MSRA: variants seen among roughly 807,000 people sequenced by gnomAD.
MSRA encodes the protein methionine sulfoxide reductase A.
MSRA carries 54 observed loss-of-function variants against 31.3 expected under a neutral mutation model. The observed-to-expected ratio is 1.73, with a 90% CI of 1.39 to 2.17. The LOEUF (loss-of-function observed/expected upper bound fraction) is 2.17, where lower values mean the gene tolerates loss of function less well. MSRA is among the 30% of genes most tolerant of loss of function. The pLI is 0.00. For synonymous variants in MSRA, 169 were observed against 116.5 expected (o/e 1.45, Z -2.90); for missense variants, 507 against 300.9 (o/e 1.69, Z -5.07).
At chr8:10,398,475 G>A (rs552079244) in intron 5 of MSRA, among the ~76,000 whole-genome samples, 35 of 152,216 alleles carry the variant, frequency 2.3e-4, no homozygotes, top group South Asian at 1.7e-3. Flanking sequence ...TCCTGCAGGG[G>A]TCCCTCAGAG....
At chr8:10,293,272 G>A (rs1403259091) in intron 3 of MSRA, among the ~76,000 whole-genome samples, 1 of 152,128 alleles carries the variant, frequency 6.6e-6, no homozygotes. Flanking sequence ...TCCCATGGTG[G>A]CCAGGTGCGT....
chr8:10,310,997 G>A (rs1467280207), intron 4 of MSRA, among the ~76,000 whole-genome samples: 6 of 152,200 alleles, frequency 3.9e-5, no homozygotes, highest in Non-Finnish European at 8.8e-5. Flanking sequence ...GATAGTAATG[G>A]TTAGGTCATT....
At chr8:10,276,719 T>A (rs1442690988) in intron 3 of MSRA, among the ~76,000 whole-genome samples, 4 of 152,220 alleles carry the variant, frequency 2.6e-5, no homozygotes, top group Admixed American at 2.0e-4. Flanking sequence ...CAGGAGCAAC[T>A]GATATGCAGC....
chr8:10,335,250 G>GTTTTTTTTTT (rs1170264568), intron 5 of MSRA, among the ~76,000 whole-genome samples: 94 of 79,848 alleles, frequency 1.2e-3, no homozygotes, highest in African/African-American at 1.9e-3. Flanking sequence ...TCCCAGCTCT[G>GTTTTTTTTTT]TTTTTTTTTT....
At chr8:10,199,131 T>A (rs1435376680) in intron 1 of MSRA, among the ~76,000 whole-genome samples, 1 of 152,200 alleles carries the variant, frequency 6.6e-6, no homozygotes, top group Non-Finnish European at 1.5e-5. Flanking sequence ...GAATCATGGA[T>A]GCCTGCTTTG....
At chr8:10,301,443 GC>G in intron 3 of MSRA, 90 bp from the exon 4 acceptor site, 1 of 941,848 alleles carries the variant, frequency 1.1e-6, no homozygotes, top group Non-Finnish European at 1.7e-6. Flanking sequence ...TAGAGTTTCA[GC>G]TTTTGTCTGT....
chr8:10,317,115 C>A (rs776290951), intron 4 of MSRA, among the ~76,000 whole-genome samples: 2 of 152,176 alleles, frequency 1.3e-5, no homozygotes, highest in Non-Finnish European at 2.9e-5. Context: ...ATGGACAGTC[C>A]TGCTAATGAG....
intron 5 of MSRA, among the ~76,000 whole-genome samples, chr8:10,411,933 G>A (rs1280767985): frequency 2.0e-5 from 3 of 152,214 alleles, no homozygotes; most frequent in Admixed American, 6.5e-5. Flanking sequence ...CCTGGGAAGG[G>A]AAAGGGTGTG....
intron 1 of MSRA, among the ~76,000 whole-genome samples, chr8:10,171,103 T>A (rs976354465): frequency 6.6e-6 from 1 of 152,174 alleles, no homozygotes; most frequent in Non-Finnish European, 1.5e-5. Flanking sequence ...GGCACATGGA[T>A]GGGAAGGCTA....
At chr8:10,149,446 T>C (rs1037503382) in intron 1 of MSRA, among the ~76,000 whole-genome samples, 9 of 152,228 alleles carry the variant, frequency 5.9e-5, no homozygotes, top group Non-Finnish European at 1.2e-4. Context: ...ATGCAACTTC[T>C]GTCCTGCTGC....
At chr8:10,401,103 A>G (rs886423660) in intron 5 of MSRA, among the ~76,000 whole-genome samples, 1 of 23,982 alleles carries the variant, frequency 4.2e-5, no homozygotes, top group African/African-American at 5.0e-5. Flanking sequence ...TATCAAGAAT[A>G]TAAAAAAAAA....
intron 1 of MSRA, among the ~76,000 whole-genome samples, chr8:10,147,302 A>T (rs892722801): frequency 6.6e-6 from 1 of 151,806 alleles, no homozygotes; most frequent in Non-Finnish European, 1.5e-5. Context: ...TGTGGCTCTG[A>T]CCCCAGCAAA....
At chr8:10,202,938 GT>G (rs1328993905) in intron 1 of MSRA, among the ~76,000 whole-genome samples, 2 of 152,094 alleles carry the variant, frequency 1.3e-5, no homozygotes, top group African/African-American at 2.4e-5. Context: ...GAGAGTCACA[GT>G]CAGGCCGTCT....
intron 1 of MSRA, among the ~76,000 whole-genome samples, chr8:10,185,167 C>T (rs1054782000): frequency 3.3e-5 from 5 of 152,076 alleles, no homozygotes; most frequent in African/African-American, 4.8e-5. Context: ...GTGCCCTTAG[C>T]GAATGCGAAT....
At chr8:10,086,763 T>C (rs1798576361) in intron 1 of MSRA, among the ~76,000 whole-genome samples, 1 of 151,270 alleles carries the variant, frequency 6.6e-6, no homozygotes, top group Non-Finnish European at 1.5e-5. Context: ...AATAAATCAA[T>C]GAATGCAAGT....
At chr8:10,329,242 G>T (rs1242164864) in intron 5 of MSRA, among the ~76,000 whole-genome samples, 1 of 152,198 alleles carries the variant, frequency 6.6e-6, no homozygotes, top group Non-Finnish European at 1.5e-5. Flanking sequence ...GAGGGCAGAA[G>T]CCCAAAGTCA....
intron 5 of MSRA, among the ~76,000 whole-genome samples, chr8:10,326,023 A>C (rs991009983): frequency 3.3e-5 from 5 of 152,218 alleles, no homozygotes; most frequent in African/African-American, 1.2e-4. Flanking sequence ...TTCATTTTAC[A>C]TACACTGCTT....
At chr8:10,119,680 C>A (rs756713462) in intron 1 of MSRA, among the ~76,000 whole-genome samples, 1 of 152,120 alleles carries the variant, frequency 6.6e-6, no homozygotes, top group African/African-American at 2.4e-5. Flanking sequence ...TTGGAGAGCA[C>A]CAGGTTGTCA....
rs1241537010 is a variant in MSRA at position 10,377,924 on chromosome 8, T to C, written c.544-50224T>C. Among the ~76,000 whole-genome samples, 4 of 152,218 alleles carry C rather than the reference T, an allele frequency of 2.6e-5. No homozygotes were observed. In the South Asian group the frequency reaches 6.2e-4, roughly 24 times the overall value. ...CAGGCCCCCGTGATCCAGGAGGGAC[T>C]GCGCTTGAGCTTAGGTGATGGCAGC... On this transcript the variant is annotated intron_variant, in intron 5 of 5. Coordinates refer to ENST00000317173, the MANE Select transcript of MSRA (RefSeq NM_012331.5).
Sources: allele counts gnomAD v4.1 joint callset (sites outside exome capture counted in the v4.1 genomes callset), GRCh38; gene constraint gnomAD v4.1.1; transcripts MANE v1.5; gene names NCBI Gene and HGNC (gene_info 2026-07-23, HGNC 2026-07-21).